The following RGSL1 variants were observed in gnomAD, a reference collection of about 807,000 sequenced individuals.
RGSL1 encodes regulator of G protein signaling like 1, also known as regulator of G protein signaling protein-like.
RGSL1 carries 97 observed loss-of-function variants against 124.7 expected under a neutral mutation model. The observed-to-expected ratio is 0.78, with a 90% CI of 0.66 to 0.92. The LOEUF (loss-of-function observed/expected upper bound fraction) is 0.92, where lower values mean the gene tolerates loss of function less well. RGSL1 is among the 40% of genes least tolerant of loss of function. RGSL1 has a pLI of 0.00. For synonymous variants in RGSL1, 424 were observed against 438.1 expected, an observed-to-expected ratio of 0.97 and a Z score of 0.40; for missense variants, 1,233 against 1,288.4, an observed-to-expected ratio of 0.96 and a Z score of 0.66.
At chr1:182,516,186 A>G (rs751271673) in intron 9 of RGSL1, among the ~76,000 whole-genome samples, 2 of 152,174 alleles carry the variant, frequency 1.3e-5, no homozygotes. Flanking sequence ...CAGGAAAGAG[A>G]GAGGTGGCAG....
At chr1:182,510,006 T>TTGG (rs1657274480) in intron 9 of RGSL1, among the ~76,000 whole-genome samples, 4 of 88,566 alleles carry the variant, frequency 4.5e-5, no homozygotes. Flanking sequence ...AGACGGGGTC[T>TTGG]CGGCCGGGCA....
At chr1:182,524,364 G>T (rs945548168) in intron 10 of RGSL1, among the ~76,000 whole-genome samples, 10 of 152,114 alleles carry the variant, frequency 6.6e-5, no homozygotes, top group Admixed American at 2.6e-4. Flanking sequence ...AGTTGTTCAG[G>T]CAAATGATAA....
At chr1:182,515,844 C>T (rs932785783) in intron 9 of RGSL1, among the ~76,000 whole-genome samples, 2 of 152,154 alleles carry the variant, frequency 1.3e-5, no homozygotes, top group African/African-American at 4.8e-5. Context: ...GAGAGGAGCC[C>T]CTGTGGCCAT....
Position 182,454,163 on chromosome 1 carries a change from A to G in RGSL1, c.96+123A>G, listed in dbSNP as rs191666703. On this transcript the variant is annotated intron_variant, in intron 2 of 21. Coordinates refer to ENST00000294854, the MANE Select transcript of RGSL1 (RefSeq NM_001137669.2). ...GGGGTTTTACTAAATGTCTTCTTAAATAAAAAAACTCTTTTAATTTGAGCA... is the reference window on the plus strand; with the variant it reads ...GGGGTTTTACTAAATGTCTTCTTAAGTAAAAAAACTCTTTTAATTTGAGCA... 1.3e-3 allele frequency: 814 copies of G among 640,930 alleles called. 4 individuals carry two copies. The African/African-American group carries it at 0.014, about 11-fold the overall frequency. 39.7% of individuals were successfully genotyped at this position (640,930 alleles called of 1,614,324 possible). A position where few individuals can be genotyped will look rare whatever the true frequency, so the allele number is the denominator to read the frequency against.
At chr1:182,461,313 G>GTAA (rs35515032) in intron 4 of RGSL1, among the ~76,000 whole-genome samples, 15,003 of 150,532 alleles carry the variant, frequency 0.1, 1,019 homozygotes, top group East Asian at 0.25. Context: ...ATATCCTACA[G>GTAA]TAATAATAAT....
chr1:182,527,614 TGGAGTTCTTCAG>T lies in RGSL1; in HGVS notation c.1975_1986del (p.Phe659_Phe662del), dbSNP rs1182366732. 1 of 1,551,586 alleles carries T rather than the reference TGGAGTTCTTCAG, an allele frequency of 6.4e-7. No individual in the cohort carries two copies. Among genetic ancestry groups the T allele is most frequent in the South Asian group, 1.2e-5 (1 of 84,008 alleles). On this transcript the variant is annotated inframe_deletion, in exon 11 of 22. Transcript: ENST00000294854. The stretch of plus-strand genomic sequence containing the variant: ...GAAGTCCTCTTAAATACACAGCACT[TGGAGTTCTTCAG>T]GGAGTTCCTCAAGGAACGGAAGGCT...
intron 2 of RGSL1, among the ~76,000 whole-genome samples, chr1:182,455,798 C>T (rs780084275): frequency 2.0e-5 from 3 of 152,306 alleles, no homozygotes; most frequent in Admixed American, 6.5e-5. Flanking sequence ...AGGCAGGCTG[C>T]GCCAAGCCCT....
At chr1:182,491,852 A>G (rs266501) in intron 8 of RGSL1, among the ~76,000 whole-genome samples, 20,908 of 152,178 alleles carry the variant, frequency 0.14, 1,762 homozygotes, top group East Asian at 0.38. Context: ...CCAAATGAAT[A>G]CTTCTCCTCC....
intron 4 of RGSL1, among the ~76,000 whole-genome samples, chr1:182,469,343 G>C (rs1000659692): frequency 4.6e-5 from 7 of 152,094 alleles, no homozygotes; most frequent in Admixed American, 6.6e-5. Context: ...TTCAAAAATA[G>C]GGAAAAGACT....
chr1:182,505,702 ATAT>A (rs1045990612), intron 9 of RGSL1, among the ~76,000 whole-genome samples: 1 of 152,038 alleles, frequency 6.6e-6, no homozygotes, highest in East Asian at 1.9e-4. Context: ...TTTCCACTTA[ATAT>A]TATTATATCT....
intron 4 of RGSL1, among the ~76,000 whole-genome samples, chr1:182,470,252 T>C (rs1653719969): frequency 6.6e-6 from 1 of 152,098 alleles, no homozygotes; most frequent in Admixed American, 6.6e-5. Flanking sequence ...CCCCACTGCT[T>C]CTCAACACCC....
chr1:182,451,156 A>AG (rs1306150407), intron 1 of RGSL1, among the ~76,000 whole-genome samples: 1 of 152,004 alleles, frequency 6.6e-6, no homozygotes, highest in African/African-American at 2.4e-5. Flanking sequence ...AAAAAAAAAA[A>AG]AAAAAAGATT....
chr1:182,508,315 T>TTTTTTA (rs1656998784), intron 9 of RGSL1, among the ~76,000 whole-genome samples: 1 of 145,264 alleles, frequency 6.9e-6, no homozygotes, highest in African/African-American at 2.6e-5. Context: ...TTTTTTTTTT[T>TTTTTTA]GAGATGGAGT....
In RGSL1 at chr1:182,560,526, G is replaced by GT. The variant is rs986936349; in HGVS notation, c.*414dup. 2 of 152,176 alleles carry GT rather than the reference G, an allele frequency of 1.3e-5. No homozygotes were observed. The highest frequency in any genetic ancestry group is 4.8e-5 in the African/African-American group (2 of 41,426). The allele number at this position is 152,176 out of a possible 1,614,324, so 9.4% of individuals were successfully genotyped here. On this transcript the variant is annotated 3_prime_UTR_variant, in exon 22 of 22. Transcript: ENST00000294854. ...TGGCCCGTATGTGCAGGACCTCAGGGTGCCAGCCCTCACCCATACACCTCC... is the reference window on the plus strand; with the variant it reads ...TGGCCCGTATGTGCAGGACCTCAGGGTTGCCAGCCCTCACCCATACACCTCC...
At chr1:182,478,589 G>A (rs898680356) in intron 6 of RGSL1, among the ~76,000 whole-genome samples, 6 of 152,064 alleles carry the variant, frequency 3.9e-5, no homozygotes, top group African/African-American at 1.4e-4. Flanking sequence ...AAGCCTAAAG[G>A]ACTTATGGGA....
intron 6 of RGSL1, among the ~76,000 whole-genome samples, chr1:182,484,836 G>A (rs1159048012): frequency 6.6e-6 from 1 of 152,208 alleles, no homozygotes; most frequent in Non-Finnish European, 1.5e-5. Context: ...GGAAGAGTGT[G>A]ACAGCTGCCT....
intron 9 of RGSL1, among the ~76,000 whole-genome samples, chr1:182,497,162 G>C (rs928248890): frequency 6.6e-6 from 1 of 151,932 alleles, no homozygotes; most frequent in East Asian, 1.9e-4. Context: ...TATATATGCT[G>C]TCCATCCTAC....
At chr1:182,472,961 T>C (rs751659987) in intron 5 of RGSL1, among the ~76,000 whole-genome samples, 31 of 152,214 alleles carry the variant, frequency 2.0e-4, no homozygotes, top group East Asian at 3.8e-4. Flanking sequence ...TACATTTTCA[T>C]AGGGCTAATT....
chr1:182,544,903 T>C (rs1475856336), intron 15 of RGSL1, among the ~76,000 whole-genome samples: 3 of 152,116 alleles, frequency 2.0e-5, no homozygotes, highest in Admixed American at 6.5e-5. Flanking sequence ...AGTGGGTTTC[T>C]TGTAGGTAGC....
Sources: allele counts gnomAD v4.1 joint callset (sites outside exome capture counted in the v4.1 genomes callset), GRCh38; gene constraint gnomAD v4.1.1; transcripts MANE v1.5; gene names NCBI Gene and HGNC (gene_info 2026-07-23, HGNC 2026-07-21).